ATF2: variants seen among roughly 807,000 people sequenced by gnomAD.
ATF2 encodes the protein cyclic AMP-dependent transcription factor ATF-2.
A neutral mutation model predicts 60.6 loss-of-function variants in ATF2; 24 were observed. The ratio of observed to expected loss-of-function variants is 0.40; its 90% CI spans 0.29 to 0.56. The LOEUF is 0.56. ATF2 is among the 20% of genes least tolerant of loss of function. The pLI is 0.54. For synonymous variants in ATF2, 206 were observed against 215.4 expected (o/e 0.96, Z 0.38); for missense variants, 433 against 607.7 (o/e 0.71, Z 3.02).
At chr2:175,104,199 T>C (rs1695489337) in intron 10 of ATF2, among the ~76,000 whole-genome samples, 2 of 152,192 alleles carry the variant, frequency 1.3e-5, no homozygotes, top group African/African-American at 2.4e-5. Flanking sequence ...CAAAGTAAAC[T>C]TCTCTTTAGC....
chr2:175,111,446 A>T, intron 10 of ATF2, 122 bp downstream of exon 10: 1 of 879,612 alleles, frequency 1.1e-6, no homozygotes, highest in Non-Finnish European at 1.7e-6. Context: ...TATCTATAGT[A>T]TAAAACAGTC....
At chr2:175,155,515 A>G (rs1699615607) in intron 1 of ATF2, among the ~76,000 whole-genome samples, 1 of 152,216 alleles carries the variant, frequency 6.6e-6, no homozygotes, top group Non-Finnish European at 1.5e-5. Context: ...TCATTTAATG[A>G]TTACCTCTTC....
At chr2:175,085,553 T>A (rs10165645) in intron 12 of ATF2, among the ~76,000 whole-genome samples, 1 of 141,328 alleles carries the variant, frequency 7.1e-6, no homozygotes, top group Admixed American at 7.0e-5. Flanking sequence ...ATACATAACA[T>A]ACACACACAC....
rs1389940588 is a variant in ATF2 at position 175,160,928 on chromosome 2, T to C, written c.-143+7122A>G. Reference sequence around the variant, plus strand: ...TGGCATGTGAGTGTGGTCCCAGCTATTTGGGAGGCTTAGGTGGGAAGATCT... The same window carrying C: ...TGGCATGTGAGTGTGGTCCCAGCTACTTGGGAGGCTTAGGTGGGAAGATCT... On this transcript the variant is annotated intron_variant, in intron 1 of 13. Transcript: ENST00000264110. 3.0e-4 allele frequency among the ~76,000 whole-genome samples: 46 copies of C among 151,984 alleles called. 1 individual carries two copies. The highest frequency in any genetic ancestry group is 2.7e-3 in the Admixed American group (41 of 15,248).
chr2:175,135,456 C>T (rs1244554226), intron 3 of ATF2, among the ~76,000 whole-genome samples: 2 of 152,142 alleles, frequency 1.3e-5, no homozygotes, highest in Non-Finnish European at 2.9e-5. Context: ...TTTCAATTTA[C>T]GATGGGTTTA....
At chr2:175,130,756 A>G (rs2105748731) in intron 3 of ATF2, among the ~76,000 whole-genome samples, 1 of 152,284 alleles carries the variant, frequency 6.6e-6, no homozygotes, top group South Asian at 2.1e-4. Context: ...ATTCAAAAAT[A>G]AAAGAGAAAT....
chr2:175,124,928 A>G (rs942447764), intron 4 of ATF2, among the ~76,000 whole-genome samples: 5 of 152,046 alleles, frequency 3.3e-5, no homozygotes, highest in African/African-American at 1.2e-4. Context: ...AAACAAGTGA[A>G]ATTAACAGGC....
At chr2:175,106,536 CA>C (rs879626875) in intron 10 of ATF2, among the ~76,000 whole-genome samples, 5 of 143,218 alleles carry the variant, frequency 3.5e-5, no homozygotes, top group Non-Finnish European at 4.6e-5. Context: ...AAAACAACAA[CA>C]AAAAAAAAAG....
chr2:175,097,731 T>C (rs1023501839), intron 10 of ATF2, 138 bp from the exon 11 acceptor site: 2 of 880,806 alleles, frequency 2.3e-6, no homozygotes, highest in Non-Finnish European at 3.4e-6. Context: ...TGTATTTTGC[T>C]GTTCCTAGTG....
At chr2:175,167,618 C>A (rs757253514) in intron 1 of ATF2, 2 of 486,712 alleles carry the variant, frequency 4.1e-6, no homozygotes, top group South Asian at 3.1e-5. Flanking sequence ...GGCCCTCTCC[C>A]CGCCCAACCC....
chr2:175,138,284 C>T (rs542097868), intron 2 of ATF2, among the ~76,000 whole-genome samples: 9 of 152,176 alleles, frequency 5.9e-5, no homozygotes, highest in Non-Finnish European at 1.3e-4. Flanking sequence ...GTACTTCTTG[C>T]TAGATGCTGG....
intron 12 of ATF2, among the ~76,000 whole-genome samples, chr2:175,087,732 G>C (rs529389947): frequency 1.3e-5 from 2 of 152,196 alleles, no homozygotes; most frequent in Admixed American, 1.3e-4. Flanking sequence ...CCTCCACACA[G>C]TTCCAAGGGT....
At chr2:175,107,157 A>G (rs1214445498) in intron 10 of ATF2, among the ~76,000 whole-genome samples, 2 of 152,042 alleles carry the variant, frequency 1.3e-5, no homozygotes, top group Non-Finnish European at 2.9e-5. Flanking sequence ...AAACAACACA[A>G]TTTTTTAAAT....
chr2:175,166,399 C>T (rs1371601211), intron 1 of ATF2, among the ~76,000 whole-genome samples: 1 of 152,134 alleles, frequency 6.6e-6, no homozygotes, highest in Non-Finnish European at 1.5e-5. Context: ...TTTACAAAGA[C>T]GAGGATTCTT....
chr2:175,089,429 G>A (rs1694391347), intron 12 of ATF2, among the ~76,000 whole-genome samples: 1 of 152,124 alleles, frequency 6.6e-6, no homozygotes, highest in African/African-American at 2.4e-5. Context: ...AAATATATAA[G>A]TAAACTATGG....
intron 1 of ATF2, among the ~76,000 whole-genome samples, chr2:175,167,174 GCTC>G (rs1187830680): frequency 6.6e-6 from 1 of 152,158 alleles, no homozygotes; most frequent in East Asian, 1.9e-4. Context: ...ATAGTTCCCA[GCTC>G]CTCCTCTCTT....
At chr2:175,131,583 ACCT>A (rs2105751357) in intron 3 of ATF2, among the ~76,000 whole-genome samples, 1 of 152,240 alleles carries the variant, frequency 6.6e-6, no homozygotes. Flanking sequence ...AATTTGGAAC[ACCT>A]CCTCATGATA....
chr2:175,118,848 G>A (rs1374532112), intron 5 of ATF2, among the ~76,000 whole-genome samples: 31 of 151,250 alleles, frequency 2.0e-4, no homozygotes, highest in Non-Finnish European at 1.5e-5. Flanking sequence ...ATCTTTAATA[G>A]GTAGATAAAA....
chr2:175,163,624 G>GA (rs903616188), intron 1 of ATF2, among the ~76,000 whole-genome samples: 32 of 149,842 alleles, frequency 2.1e-4, no homozygotes, highest in African/African-American at 4.7e-4. Context: ...AAATGCCAAG[G>GA]AAAAAAAATC....
Sources: allele counts gnomAD v4.1 joint callset (sites outside exome capture counted in the v4.1 genomes callset), GRCh38; gene constraint gnomAD v4.1.1; transcripts MANE v1.5; gene names NCBI Gene and HGNC (gene_info 2026-07-23, HGNC 2026-07-21).